ZC3H12B: variants seen among roughly 807,000 people sequenced by gnomAD.
ZC3H12B encodes probable ribonuclease ZC3H12B.
A neutral mutation model predicts 43.9 loss-of-function variants in ZC3H12B; 7 were observed. The ratio of observed to expected loss-of-function variants is 0.16; its 90% CI spans 0.09 to 0.30. The LOEUF is 0.30. Ranked by LOEUF, ZC3H12B falls within the 10% of genes least tolerant of loss-of-function variation. The pLI, the probability that ZC3H12B is intolerant of heterozygous loss-of-function variation, is 1.00. For missense variants in ZC3H12B, 475 were observed against 670.2 expected, an observed-to-expected ratio of 0.71 and a Z score of 3.22; for synonymous variants, 222 against 241.7, an observed-to-expected ratio of 0.92 and a Z score of 0.76.
the ZC3H12B span, among the ~76,000 whole-genome samples, chrX:65,230,279 G>A: frequency 1.8e-5 from 2 of 109,906 alleles, no homozygotes; most frequent in African/African-American, 6.6e-5. Flanking sequence ...GTAAACTATT[G>A]CAAGAACGAG....
the ZC3H12B span, among the ~76,000 whole-genome samples, chrX:65,151,241 G>T: frequency 2.5e-4 from 28 of 111,281 alleles, no homozygotes; most frequent in Non-Finnish European, 4.7e-4. Flanking sequence ...CACAAACCAA[G>T]AAAAAATTTT....
chrX:65,036,173 A>G, the ZC3H12B span, among the ~76,000 whole-genome samples: 1 of 111,929 alleles, frequency 8.9e-6, no homozygotes, highest in Non-Finnish European at 1.9e-5. Context: ...TTTGAAAATT[A>G]GCAACATTAT....
chrX:65,401,787 C>A (rs926246833), intron 3 of ZC3H12B, among the ~76,000 whole-genome samples: 16 of 111,631 alleles, frequency 1.4e-4, no homozygotes, highest in Non-Finnish European at 2.3e-4. Context: ...TGTGAGGCCC[C>A]CATTTCAGGC....
the ZC3H12B span, among the ~76,000 whole-genome samples, chrX:65,073,314 A>G: frequency 1.8e-5 from 2 of 112,066 alleles, no homozygotes; most frequent in Non-Finnish European, 3.8e-5. Flanking sequence ...GCTGCAGTGG[A>G]GTGTGGGAGG....
intron 3 of ZC3H12B, among the ~76,000 whole-genome samples, chrX:65,451,131 G>C (rs1215357277): frequency 1.8e-5 from 2 of 109,372 alleles, no homozygotes; most frequent in African/African-American, 6.7e-5. Context: ...TGTATTTATA[G>C]TAGAGATGGG....
the ZC3H12B span, among the ~76,000 whole-genome samples, chrX:65,212,891 T>C: frequency 9.4e-6 from 1 of 106,575 alleles, no homozygotes; most frequent in South Asian, 3.8e-4. Context: ...TTTTATGAAC[T>C]AATAAATGAT....
At chrX:65,374,090 T>C (rs1284167888) in intron 2 of ZC3H12B, among the ~76,000 whole-genome samples, 2 of 55,199 alleles carry the variant, frequency 3.6e-5, no homozygotes, top group Non-Finnish European at 4.9e-5. Flanking sequence ...ATATATAGTA[T>C]ATATATAACT....
chrX:65,488,514 T>A, upstream of ZC3H12B: 1 of 171,677 alleles, frequency 5.8e-6, no homozygotes, highest in East Asian at 1.3e-4. Context: ...TAATGTAAGT[T>A]GAGTGTAATC....
At chrX:65,323,156 A>T in the ZC3H12B span, among the ~76,000 whole-genome samples, 1 of 112,186 alleles carries the variant, frequency 8.9e-6, no homozygotes, top group South Asian at 3.7e-4. Context: ...GTTGCTGATA[A>T]CTCTGGCAAG....
the ZC3H12B span, among the ~76,000 whole-genome samples, chrX:65,219,805 CACAT>C: frequency 5.4e-5 from 5 of 93,100 alleles, no homozygotes; most frequent in South Asian, 4.9e-4. Flanking sequence ...TACATACACA[CACAT>C]ACACACACAC....
At chrX:65,189,733 C>T in the ZC3H12B span, among the ~76,000 whole-genome samples, 904 of 109,566 alleles carry the variant, frequency 8.3e-3, 6 homozygotes, top group Non-Finnish European at 0.014. Flanking sequence ...AAAATTTTCT[C>T]CCATTTTGTA....
chrX:65,115,031 G>T, the ZC3H12B span, among the ~76,000 whole-genome samples: 3 of 101,744 alleles, frequency 2.9e-5, no homozygotes, highest in East Asian at 9.0e-4. Flanking sequence ...ATATTTAGGG[G>T]GCACATGAAA....
At chrX:65,160,577 A>G in the ZC3H12B span, among the ~76,000 whole-genome samples, 1 of 111,448 alleles carries the variant, frequency 9.0e-6, no homozygotes, top group Admixed American at 9.5e-5. Flanking sequence ...CTCTGATGGT[A>G]GTTTGTATTT....
At chrX:65,421,836 C>G (rs1371643879) in intron 3 of ZC3H12B, among the ~76,000 whole-genome samples, 1 of 109,994 alleles carries the variant, frequency 9.1e-6, no homozygotes, top group African/African-American at 3.3e-5. Flanking sequence ...GTAGTCCCAG[C>G]ACTCGGGAGG....
intron 2 of ZC3H12B, among the ~76,000 whole-genome samples, chrX:65,392,710 G>T (rs1423882655): frequency 4.4e-5 from 5 of 113,078 alleles, no homozygotes; most frequent in Non-Finnish European, 9.4e-5. Flanking sequence ...GAAGTGAGGA[G>T]CCCCTCTGCC....
At chrX:65,236,673 G>A in the ZC3H12B span, among the ~76,000 whole-genome samples, 1 of 111,847 alleles carries the variant, frequency 8.9e-6, no homozygotes, top group African/African-American at 3.2e-5. Context: ...GATTTTTATA[G>A]TTTTGGGTTT....
chrX:65,161,501 C>T, the ZC3H12B span, among the ~76,000 whole-genome samples: 1 of 111,803 alleles, frequency 8.9e-6, no homozygotes. Flanking sequence ...GAATTGATCC[C>T]TTTACCATTA....
At chrX:65,408,184 G>T in intron 3 of ZC3H12B, 3 of 1,200,825 alleles carry the variant, frequency 2.5e-6, no homozygotes, top group Admixed American at 2.2e-5. Flanking sequence ...AGGAATTCCA[G>T]TTCCTGCAGG....
chrX:65,295,143 G>A, the ZC3H12B span, among the ~76,000 whole-genome samples: 10 of 110,992 alleles, frequency 9.0e-5, no homozygotes, highest in East Asian at 2.2e-3. Context: ...AAATTGAAAT[G>A]ATATTAAGTA....
Sources: allele counts gnomAD v4.1 joint callset (sites outside exome capture counted in the v4.1 genomes callset), GRCh38; gene constraint gnomAD v4.1.1; transcripts MANE v1.5; gene names NCBI Gene and HGNC (gene_info 2026-07-23, HGNC 2026-07-21).